The following RPN2 variants were observed in gnomAD, a reference collection of about 807,000 sequenced individuals.
The protein encoded by RPN2 is ribophorin II, also known as dolichyl-diphosphooligosaccharide--protein glycosyltransferase subunit 2.
Under a neutral mutation model 71.4 loss-of-function variants are expected in RPN2, and 29 were observed. The ratio of observed to expected loss-of-function variants is 0.41; its 90% CI spans 0.30 to 0.55. RPN2 has a LOEUF of 0.55. Among genes scored for constraint, RPN2 ranks in the 20% least tolerant of loss-of-function variants. The pLI is 0.35. For synonymous variants in RPN2, 308 were observed against 305.0 expected (o/e 1.01, Z -0.10); for missense variants, 726 against 774.1 (o/e 0.94, Z 0.74).
At chr20:37,226,358 C>CT (rs2068077298) in intron 11 of RPN2, among the ~76,000 whole-genome samples, 1 of 152,140 alleles carries the variant, frequency 6.6e-6, no homozygotes, top group South Asian at 2.1e-4. Context: ...AAGCATGGCA[C>CT]TAGACTCGAG....
chr20:37,202,235 C>T (rs2067408317), intron 4 of RPN2, among the ~76,000 whole-genome samples: 1 of 152,142 alleles, frequency 6.6e-6, no homozygotes, highest in South Asian at 2.1e-4. Flanking sequence ...TGATTTTTGT[C>T]TTGTTTGGAA....
chr20:37,195,590 T>C (rs1353249987), intron 2 of RPN2, among the ~76,000 whole-genome samples: 1 of 152,208 alleles, frequency 6.6e-6, no homozygotes, highest in African/African-American at 2.4e-5. Context: ...GATTGGGGAT[T>C]AAATGAGAAA....
At chr20:37,196,277 G>A (rs1214238684) in intron 2 of RPN2, among the ~76,000 whole-genome samples, 6 of 151,944 alleles carry the variant, frequency 3.9e-5, no homozygotes, top group African/African-American at 9.7e-5. Context: ...CGCCCAGGCT[G>A]GAGTGCAGTG....
intron 16 of RPN2, among the ~76,000 whole-genome samples, chr20:37,237,613 T>C (rs914755791): frequency 3.3e-5 from 5 of 152,180 alleles, no homozygotes; most frequent in Non-Finnish European, 7.3e-5. Context: ...GTGAGCTTTC[T>C]GAGCATTTCA....
At chr20:37,224,215 C>T (rs117410232) in intron 10 of RPN2, among the ~76,000 whole-genome samples, 41 of 152,294 alleles carry the variant, frequency 2.7e-4, no homozygotes, top group Non-Finnish European at 4.6e-4. Context: ...CAGTCCTCAA[C>T]GAGGTAAAGC....
At chr20:37,179,391 T>TAGACA (rs758211713) in intron 1 of RPN2, 22 bp downstream of exon 1, 1 of 94,410 alleles carries the variant, frequency 1.1e-5, no homozygotes, top group Non-Finnish European at 1.3e-5. Context: ...CGCGTGGCTT[T>TAGACA]GGGGAGAGGG....
At chr20:37,198,367 A>G in intron 2 of RPN2, 30 bp from the exon 3 acceptor site, 1 of 1,614,192 alleles carries the variant, frequency 6.2e-7, no homozygotes, top group Non-Finnish European at 8.5e-7. Flanking sequence ...ATGTGTCACC[A>G]CTTAACATTG....
rs1278129904 is a variant in RPN2, at chr20:37,213,872, G to A, written c.1092+7G>A. The A allele has an allele frequency of 1.2e-6, 2 of 1,601,238 alleles. No homozygotes were observed. Among genetic ancestry groups the A allele is most frequent in the Non-Finnish European group, 1.7e-6 (2 of 1,168,226 alleles). On this transcript the variant is annotated splice_region_variant and intron_variant, in intron 9 of 16. Coordinates refer to ENST00000237530, the MANE Select transcript of RPN2 (RefSeq NM_002951.5). ...TATTGCAAATACCGTAGAGGTAGGT[G>A]TTTTTCTTTCCTTCCCATTGCCATG...
At chr20:37,179,437 G>A in intron 1 of RPN2, 68 bp downstream of exon 1, 1 of 1,051,234 alleles carries the variant, frequency 9.5e-7, no homozygotes, top group South Asian at 1.9e-5. Context: ...CGCCGCTCGA[G>A]AGCCGGCCAG....
intron 8 of RPN2, among the ~76,000 whole-genome samples, chr20:37,210,370 T>C (rs1174488012): frequency 6.6e-6 from 1 of 152,222 alleles, no homozygotes. Context: ...GTTGGCTCTG[T>C]CTTGTCATTG....
At chr20:37,180,734 A>G (rs1454825295) in intron 1 of RPN2, among the ~76,000 whole-genome samples, 2 of 152,174 alleles carry the variant, frequency 1.3e-5, no homozygotes, top group Non-Finnish European at 2.9e-5. Context: ...ACTAACTCTC[A>G]TCACTTCTCA....
In RPN2 at chr20:37,207,325, C is replaced by A; in HGVS notation, c.743C>A (p.Ser248Tyr). ...ATCTTCAGCAAGAAGAACTTTGAGTCCCTCTCCGAAGCCTTCAGCGTGGCC... is the reference window on the plus strand; with the variant it reads ...ATCTTCAGCAAGAAGAACTTTGAGTACCTCTCCGAAGCCTTCAGCGTGGCC... ...NAIFSKKNFE[S>Y]LSEAFSVASA... is the part of the protein sequence containing the mutation. Residue 248 changes from serine to tyrosine, a missense_variant, in exon 7 of 17, where the codon TCC becomes TAC. Ser to Tyr is a moderately radical substitution (Grantham distance 144, BLOSUM62 -2). Transcript: ENST00000237530. The A allele has an allele frequency of 1.9e-6, 3 of 1,613,898 alleles. No homozygotes were observed. Among genetic ancestry groups the A allele is most frequent in the Non-Finnish European group, 2.5e-6 (3 of 1,179,738 alleles).
At chr20:37,208,598 T>C (rs2067578637) in intron 7 of RPN2, among the ~76,000 whole-genome samples, 1 of 152,224 alleles carries the variant, frequency 6.6e-6, no homozygotes. Flanking sequence ...TCTTTTTCCC[T>C]GGTCCTTGAT....
rs2068058683 is a variant in RPN2, at chr20:37,225,695, T to C, written c.1192T>C (p.Tyr398His). ...TCTATATGCCTCTTTCAGGGTGACATACCCAGCCAAAGCCAAGGGCACATT... is the reference window on the plus strand; with the variant it reads ...TCTATATGCCTCTTTCAGGGTGACACACCCAGCCAAAGCCAAGGGCACATT... ...SIAPKTTRVT[Y>H]PAKAKGTFIA... The change falls in exon 11 of 17, where the codon TAC becomes CAC. Residue 398 changes from tyrosine to histidine, a missense_variant. By Grantham distance (83) the Tyr-to-His change is moderately conservative. Coordinates refer to ENST00000237530, the MANE Select transcript of RPN2 (RefSeq NM_002951.5). 3.7e-6 allele frequency: 6 copies of C among 1,612,932 alleles called. No homozygotes were observed. Among genetic ancestry groups the C allele is most frequent in the Non-Finnish European group, 4.2e-6 (5 of 1,178,910 alleles).
chr20:37,213,630 G>A (rs2067731712), intron 8 of RPN2, 130 bp from the exon 9 acceptor site: 1 of 735,342 alleles, frequency 1.4e-6, no homozygotes, highest in African/African-American at 1.7e-5. Flanking sequence ...CCCAAGTGGG[G>A]TGGGAAGTCA....
rs1456292530 is a variant in RPN2 at position 37,207,270 on chromosome 20, C to T, written c.691-3C>T. Reference sequence around the variant, plus strand: ...AAACAGCTGCATTTCGCATTTCTTTCAGGATCAGGTCATCCAGCTGATGAA... The same window carrying T: ...AAACAGCTGCATTTCGCATTTCTTTTAGGATCAGGTCATCCAGCTGATGAA... On this transcript the variant is annotated splice_polypyrimidine_tract_variant and splice_region_variant and intron_variant, in intron 6 of 16. Transcript: ENST00000237530. 1 of 1,612,670 alleles carries T rather than the reference C, an allele frequency of 6.2e-7. No individual in the cohort carries two copies. The highest frequency in any genetic ancestry group is 8.5e-7 in the Non-Finnish European group (1 of 1,178,638).
chr20:37,229,974 C>T lies in RPN2; in HGVS notation c.1496C>T (p.Ala499Val). The change falls in exon 13 of 17, where the codon GCT becomes GTT. Residue 499 changes from alanine to valine, a missense_variant and splice_region_variant. Transcript: ENST00000237530. ...TACAGACTGTCCTTATTTTTCTAGGCTGATGTGGTCATCAAGTTCCCTGAG... is the reference window on the plus strand; with the variant it reads ...TACAGACTGTCCTTATTTTTCTAGGTTGATGTGGTCATCAAGTTCCCTGAG... ...TLKNPILWNV[A>V]DVVIKFPEEE... The T allele has an allele frequency of 6.2e-7, 1 of 1,613,014 alleles. No individual in the cohort carries two copies. The highest frequency in any genetic ancestry group is 1.3e-5 in the African/African-American group (1 of 75,006).
intron 5 of RPN2, among the ~76,000 whole-genome samples, chr20:37,204,328 A>G (rs2067463173): frequency 6.6e-6 from 1 of 152,218 alleles, no homozygotes; most frequent in African/African-American, 2.4e-5. Flanking sequence ...CTAGGAGAGC[A>G]GTATGTCTCT....
chr20:37,223,792 T>C (rs1417429828), intron 9 of RPN2, 86 bp from the exon 10 acceptor site: 8 of 1,133,924 alleles, frequency 7.1e-6, no homozygotes, highest in Non-Finnish European at 1.1e-5. Flanking sequence ...TTACTCACCT[T>C]AAAGAATAGA....
Sources: gnomAD v4.1 joint callset for allele counts (sites outside exome capture counted in the v4.1 genomes callset) on GRCh38, gnomAD v4.1.1 for gene constraint, MANE v1.5 for transcripts, NCBI Gene and HGNC (gene_info 2026-07-23, HGNC 2026-07-21) for gene names.